YY1: variants seen among roughly 807,000 people sequenced by gnomAD.
YY1 encodes the protein YY1 transcription factor.
Under a neutral mutation model 35.6 loss-of-function variants are expected in YY1, and 2 were observed. That is an observed-to-expected ratio of 0.06 (90% CI 0.02 to 0.18). The LOEUF is 0.18. Ranked by LOEUF, YY1 falls within the 10% of genes least tolerant of loss-of-function variation. The pLI is 1.00. For synonymous variants in YY1, 268 were observed against 238.9 expected (o/e 1.12, Z -1.12); for missense variants, 322 against 573.4 (o/e 0.56, Z 4.48).
At chr14:100,254,027 G>A (rs949278429) in intron 1 of YY1, among the ~76,000 whole-genome samples, 11 of 151,378 alleles carry the variant, frequency 7.3e-5, no homozygotes, top group African/African-American at 2.7e-4. Flanking sequence ...CTAGAGGTGG[G>A]GTTTCACCAT....
At chr14:100,254,359 G>C (rs559811404) in intron 1 of YY1, among the ~76,000 whole-genome samples, 2 of 152,282 alleles carry the variant, frequency 1.3e-5, no homozygotes, top group South Asian at 4.1e-4. Context: ...AAATGAGGCA[G>C]GTCAAATATT....
chr14:100,239,708 C>A lies in YY1; in HGVS notation c.464C>A (p.Ala155Glu), dbSNP rs765975441. The A allele has an allele frequency of 6.3e-7, 1 of 1,598,838 alleles. No homozygotes were observed. Among genetic ancestry groups the A allele is most frequent in the Non-Finnish European group, 8.5e-7 (1 of 1,176,514 alleles). The change falls in exon 1 of 5, where the codon GCG becomes GAG. Residue 155 changes from alanine to glutamate, a missense_variant. Physicochemically the swap from Ala to Glu is moderately radical, Grantham distance 107. Coordinates refer to ENST00000262238, the MANE Select transcript of YY1 (RefSeq NM_003403.5). ...YIEQTLVTVA[A>E]AGKSGGGGSS... ...GAACAAACGCTGGTCACCGTGGCGG[C>A]GGCCGGCAAGAGCGGCGGCGGCGGC...
chr14:100,240,010 T>A, intron 1 of YY1, 87 bp downstream of exon 1: 1 of 1,299,622 alleles, frequency 7.7e-7, no homozygotes, highest in East Asian at 3.2e-5. Flanking sequence ...CGCCGCCATC[T>A]TCTTCGCCAG....
intron 1 of YY1, among the ~76,000 whole-genome samples, chr14:100,243,238 C>A (rs1290878468): frequency 6.6e-6 from 1 of 152,180 alleles, no homozygotes; most frequent in South Asian, 2.1e-4. Flanking sequence ...TTGGGTAAAT[C>A]TGTATGTATG....
intron 3 of YY1, among the ~76,000 whole-genome samples, chr14:100,275,112 T>C (rs1239998888): frequency 6.6e-6 from 1 of 152,234 alleles, no homozygotes; most frequent in Non-Finnish European, 1.5e-5. Context: ...TTGAAAATTA[T>C]TTTGGATGTT....
intron 2 of YY1, among the ~76,000 whole-genome samples, chr14:100,272,652 A>C (rs1417018591): frequency 6.7e-6 from 1 of 149,170 alleles, no homozygotes; most frequent in African/African-American, 2.5e-5. Flanking sequence ...TTTTTTTTCG[A>C]CTTTGACTTT....
At chr14:100,246,087 G>A (rs1890828622) in intron 1 of YY1, among the ~76,000 whole-genome samples, 1 of 152,198 alleles carries the variant, frequency 6.6e-6, no homozygotes, top group Non-Finnish European at 1.5e-5. Context: ...TAAGGCTGTT[G>A]ATATTTTAAT....
At chr14:100,243,156 T>C (rs1051371332) in intron 1 of YY1, among the ~76,000 whole-genome samples, 1 of 152,216 alleles carries the variant, frequency 6.6e-6, no homozygotes, top group Non-Finnish European at 1.5e-5. Flanking sequence ...TGATTTCATC[T>C]TCAGAACTGA....
Position 100,276,163 on chromosome 14 carries a change from T to C in YY1, c.904-327T>C. ...GGGGGACATAGTCGGGTGAGGTGGCTGTGGTAGAGCTGGAAGCCAGGGTGT... is the reference window on the plus strand; with the variant it reads ...GGGGGACATAGTCGGGTGAGGTGGCCGTGGTAGAGCTGGAAGCCAGGGTGT... On this transcript the variant is annotated intron_variant, in intron 3 of 4. Transcript: ENST00000262238. This position sits in a 1 kb window ranked among gnomAD's most constrained non-coding sequence, Gnocchi z 4.1. 1 of 365,208 alleles carries C rather than the reference T, an allele frequency of 2.7e-6. No individual in the cohort carries two copies. Among genetic ancestry groups the C allele is most frequent in the Non-Finnish European group, 5.2e-6 (1 of 191,632 alleles). 22.6% of individuals were successfully genotyped at this position (365,208 alleles called of 1,614,324 possible).
In YY1 at chr14:100,239,264, T is replaced by A; in HGVS notation, c.20T>A (p.Leu7His). The A allele has an allele frequency of 1.2e-5, 18 of 1,558,248 alleles. No homozygotes were observed. The highest frequency in any genetic ancestry group is 2.4e-5 in the East Asian group (1 of 41,334). MASGDT[L>H]YIATDGSEMP... is the part of the protein sequence containing the mutation. The stretch of plus-strand genomic sequence containing the variant: ...TCAGCCATGGCCTCGGGCGACACCC[T>A]CTACATCGCCACGGACGGCTCGGAG... The change falls in exon 1 of 5, where the codon CTC becomes CAC. Residue 7 changes from leucine to histidine, a missense_variant. Around this residue, in one of 4 missense-constraint regions of YY1, gnomAD observed 137 missense variants for 167.0 expected, o/e 0.82. Transcript: ENST00000262238.
intron 1 of YY1, among the ~76,000 whole-genome samples, chr14:100,240,450 C>G (rs1275569143): frequency 6.6e-6 from 1 of 150,814 alleles, no homozygotes; most frequent in Non-Finnish European, 1.5e-5. Context: ...CGGGCGCTTG[C>G]CCCGCCCGCC....
Position 100,239,217 on chromosome 14 carries a change from C to G in YY1, c.-28C>G, listed in dbSNP as rs532231299. On this transcript the variant is annotated 5_prime_UTR_variant, in exon 1 of 5. Coordinates refer to ENST00000262238, the MANE Select transcript of YY1 (RefSeq NM_003403.5). ...CCCGCAGCCGAGGAGCCGAGGCCGCCGCGGCCGTGGCGGCGGAGCCCTCAG... is the reference window on the plus strand; with the variant it reads ...CCCGCAGCCGAGGAGCCGAGGCCGCGGCGGCCGTGGCGGCGGAGCCCTCAG... 1 of 1,463,880 alleles carries G rather than the reference C, an allele frequency of 6.8e-7. No homozygotes were observed. Among genetic ancestry groups the G allele is most frequent in the South Asian group, 1.3e-5 (1 of 76,158 alleles). 90.7% of individuals were successfully genotyped at this position (1,463,880 alleles called of 1,614,324 possible).
intron 2 of YY1, 46 bp from the exon 3 acceptor site, chr14:100,274,652 T>C (rs758744797): frequency 7.8e-6 from 12 of 1,547,176 alleles, no homozygotes; most frequent in East Asian, 2.2e-5. Context: ...CAGTTGAGTC[T>C]ACCCACTCCT....
chr14:100,265,967 A>G (rs573597500), intron 2 of YY1, among the ~76,000 whole-genome samples: 3 of 152,250 alleles, frequency 2.0e-5, no homozygotes, highest in South Asian at 2.1e-4. Context: ...TTAAATTACA[A>G]TTGTGATTCT....
rs1396809522 is a variant in YY1 at position 100,239,814 on chromosome 14, C to T, written c.570C>T (p.Ala190=). 8 of 1,490,676 alleles carry T rather than the reference C, an allele frequency of 5.4e-6. No individual in the cohort carries two copies. In the African/African-American group the frequency reaches 7.4e-5, roughly 14 times the overall value. 92.3% of individuals were successfully genotyped at this position (1,490,676 alleles called of 1,614,324 possible). ...AGAAGAGTTACCTCAGCGGCGGGGC[C>T]GGCGCGGCGGGCGGCGGCGGCGCCG... The part of the protein sequence containing the change: ...SGKKSYLSGG[A]GAAGGGGADP... The change falls in exon 1 of 5, where the codon GCC becomes GCT. Residue 190 remains alanine, a synonymous_variant. Coordinates refer to ENST00000262238, the MANE Select transcript of YY1 (RefSeq NM_003403.5).
intron 1 of YY1, 132 bp downstream of exon 1, chr14:100,240,055 TGCGGCG>T (rs911838573): frequency 6.3e-6 from 4 of 638,562 alleles, no homozygotes; most frequent in Non-Finnish European, 8.4e-6. Flanking sequence ...TGGCGGGCCG[TGCGGCG>T]GCGGGGGCGC....
chr14:100,277,576 T>C lies in YY1; in HGVS notation c.1221T>C (p.His407=). 1.2e-6 allele frequency: 2 copies of C among 1,614,170 alleles called. No individual in the cohort carries two copies. Among genetic ancestry groups the C allele is most frequent in the East Asian group, 4.5e-5 (2 of 44,890 alleles). ...ACCTGAAATCTCACATCTTAACACA[T>C]GCTAAGGCCAAAAACAACCAGTGAA... is the stretch of plus-strand genomic sequence containing the variant. ...STNLKSHILT[H]AKAKNNQ Residue 407 remains histidine, a synonymous_variant, in exon 5 of 5, where the codon CAT becomes CAC. Coordinates refer to ENST00000262238, the MANE Select transcript of YY1 (RefSeq NM_003403.5). The surrounding 1 kb of genome is among the most constrained non-coding windows in gnomAD (Gnocchi z 5.6).
In YY1 at chr14:100,277,361, C is replaced by T. The variant is rs772917705; in HGVS notation, c.1063-57C>T. The stretch of plus-strand genomic sequence containing the variant: ...CTCTAGCAAAGCAGTGAGCTCCTGA[C>T]TCCCAGGGTCTGGTCAGAGTTGCTG... On this transcript the variant is annotated intron_variant, in intron 4 of 4. Coordinates refer to ENST00000262238, the MANE Select transcript of YY1 (RefSeq NM_003403.5). The surrounding 1 kb of genome is among the most constrained non-coding windows in gnomAD (Gnocchi z 5.6). 1.2e-6 allele frequency: 2 copies of T among 1,601,410 alleles called. No individual in the cohort carries two copies. The highest frequency in any genetic ancestry group is 2.7e-5 in the African/African-American group (2 of 74,654).
chr14:100,242,590 A>T (rs1398465083), intron 1 of YY1, among the ~76,000 whole-genome samples: 1 of 151,390 alleles, frequency 6.6e-6, no homozygotes, highest in Non-Finnish European at 1.5e-5. Context: ...GGGTTTCACC[A>T]TGTTAGCCAG....
Sources: allele counts gnomAD v4.1 joint callset (sites outside exome capture counted in the v4.1 genomes callset), GRCh38; gene constraint gnomAD v4.1.1; regional missense constraint gnomAD v4.1.1; non-coding constraint Gnocchi (gnomAD v3.1); transcripts MANE v1.5; gene names NCBI Gene and HGNC (gene_info 2026-07-23, HGNC 2026-07-21).